Variants in CFAP74 observed in about 807,000 individuals in gnomAD.
CFAP74 encodes the protein cilia- and flagella-associated protein 74.
A neutral mutation model predicts 188.9 loss-of-function variants in CFAP74; 124 were observed. The observed-to-expected ratio is 0.66, with a 90% CI of 0.57 to 0.76. CFAP74 has a LOEUF of 0.76. CFAP74 is among the 30% of genes least tolerant of loss of function. The pLI, the probability that CFAP74 is intolerant of heterozygous loss-of-function variation, is 0.00. For missense variants in CFAP74, 2,198 were observed against 2,165.2 expected (o/e 1.02, Z -0.30); for synonymous variants, 956 against 916.7 (o/e 1.04, Z -0.77).
At chr1:1,943,758 C>T (rs1653550472) in intron 21 of CFAP74, among the ~76,000 whole-genome samples, 1 of 152,208 alleles carries the variant, frequency 6.6e-6, no homozygotes. Context: ...AGCTTAGGGG[C>T]CCCACAACAC....
intron 9 of CFAP74, among the ~76,000 whole-genome samples, chr1:1,971,059 TCACACACGCACACCTG>T (rs1003131416): frequency 7.9e-6 from 1 of 125,790 alleles, no homozygotes; most frequent in Non-Finnish European, 1.6e-5. Context: ...ACACACATGC[TCACACACGCACACCTG>T]CACACACTCA....
At chr1:1,952,672 T>C (rs888209448) in intron 18 of CFAP74, among the ~76,000 whole-genome samples, 3 of 152,108 alleles carry the variant, frequency 2.0e-5, no homozygotes, top group African/African-American at 7.2e-5. Flanking sequence ...AATTTTTTTT[T>C]TTTAAGAGAC....
chr1:1,992,868 C>G (rs912799335), intron 1 of CFAP74, among the ~76,000 whole-genome samples: 1 of 151,890 alleles, frequency 6.6e-6, no homozygotes. Context: ...CTCTTGGTAC[C>G]GAATCTTCTG....
rs760591180 is a variant in CFAP74, at chr1:1,922,691, G to C, written c.4716C>G (p.Ser1572=). 3.7e-6 allele frequency: 6 copies of C among 1,601,528 alleles called. No individual in the cohort carries two copies. The South Asian group carries it at 6.7e-5, about 18-fold the overall frequency. ...TVEFSIDSVA[S]LQHKGFSIEP... ...CAATAGAGAAACCCTTGTGCTGCAGGGATGCGACGCTGTCTATGCTGAACT... is the reference window on the plus strand; with the variant it reads ...CAATAGAGAAACCCTTGTGCTGCAGCGATGCGACGCTGTCTATGCTGAACT... The change falls in exon 38 of 39, where the codon TCC becomes TCG. Residue 1572 remains serine (S), a synonymous_variant. Coordinates refer to ENST00000682832, the MANE Select transcript of CFAP74 (RefSeq NM_001304360.2).
In CFAP74 at chr1:1,988,868, AC is replaced by A. The variant is rs547071430; in HGVS notation, c.152+20del. 137 of 540,258 alleles carry A rather than the reference AC, an allele frequency of 2.5e-4. No individual in the cohort carries two copies. The African/African-American group carries it at 6.4e-3, about 25-fold the overall frequency. The allele number at this position is 540,258 out of a possible 1,614,324, so 33.5% of individuals were successfully genotyped here. On this transcript the variant is annotated intron_variant, in intron 3 of 38. Coordinates refer to ENST00000682832, the MANE Select transcript of CFAP74 (RefSeq NM_001304360.2). ...CCCCCACCCCCCCACACCCACCTCCACCCCCGATCCTCCGAGTTACCTGCTG... is the reference window on the plus strand; with the variant it reads ...CCCCCACCCCCCCACACCCACCTCCACCCCGATCCTCCGAGTTACCTGCTG...
At chr1:1,928,367 T>C (rs1430440482) in intron 27 of CFAP74, among the ~76,000 whole-genome samples, 1 of 151,296 alleles carries the variant, frequency 6.6e-6, no homozygotes, top group African/African-American at 2.4e-5. Flanking sequence ...GAAGCCAGGC[T>C]GGGAAGGGTG....
In CFAP74 at chr1:1,974,052, A is replaced by G; in HGVS notation, c.647T>C (p.Val216Ala). The G allele has an allele frequency of 6.3e-7, 1 of 1,594,204 alleles. No individual in the cohort carries two copies. The highest frequency in any genetic ancestry group is 1.1e-5 in the South Asian group (1 of 89,760). ...LCREQEALGK[V>A]ERNRLLRIRK... ...GATCCTCAGCAGTCGGTTCCGCTCC[A>G]CCTTCCCCAGGGCCTCCTGCTCTCT... The change falls in exon 7 of 39, where the codon GTG (valine) becomes GCG (alanine). Residue 216 changes from valine to alanine, a missense_variant. Val to Ala is a moderately conservative substitution (Grantham distance 64, BLOSUM62 0). Coordinates refer to ENST00000682832, the MANE Select transcript of CFAP74 (RefSeq NM_001304360.2).
intron 9 of CFAP74, 131 bp from the exon 10 acceptor site, chr1:1,970,947 CTGCACA>C (rs1655934537): frequency 9.1e-7 from 1 of 1,095,258 alleles, no homozygotes; most frequent in African/African-American, 1.6e-5. Context: ...ACATGCACAC[CTGCACA>C]TGCACACATC....
In CFAP74 at chr1:1,962,464, G is replaced by A. The variant is rs1369631757; in HGVS notation, c.1694+1285C>T. ...ATACTCCAGCCTGGGCAACAAGAGT[G>A]AAACTCCATCTCAAAAAAAAAAAAA... On this transcript the variant is annotated intron_variant, in intron 14 of 38. Coordinates refer to ENST00000682832, the MANE Select transcript of CFAP74 (RefSeq NM_001304360.2). Among the ~76,000 whole-genome samples the A allele has an allele frequency of 3.7e-4, 36 of 97,962 alleles. 1 individual carries two copies. Among genetic ancestry groups the A allele is most frequent in the Admixed American group, 8.1e-4 (6 of 7,418 alleles). The allele number at this position is 97,962 out of a possible 152,430, so 64.3% of individuals were successfully genotyped here.
At chr1:1,940,887 C>T (rs1045568020) in intron 22 of CFAP74, among the ~76,000 whole-genome samples, 22 of 152,082 alleles carry the variant, frequency 1.4e-4, no homozygotes, top group African/African-American at 3.9e-4. Context: ...CTGAGGCGCG[C>T]GGATCACGAG....
intron 1 of CFAP74, among the ~76,000 whole-genome samples, chr1:2,003,175 T>C (rs1291192518): frequency 6.6e-6 from 1 of 152,174 alleles, no homozygotes; most frequent in East Asian, 1.9e-4. Flanking sequence ...TTATGCACCA[T>C]CGTTATGCAG....
chr1:1,956,491 C>T (rs1337434580), intron 17 of CFAP74, 129 bp downstream of exon 17: 2 of 1,104,564 alleles, frequency 1.8e-6, no homozygotes, highest in African/African-American at 1.5e-5. Context: ...TTTGAGGAGG[C>T]CCCCACACTG....
chr1:1,967,493 C>T (rs914386959), intron 11 of CFAP74, among the ~76,000 whole-genome samples: 1 of 152,124 alleles, frequency 6.6e-6, no homozygotes, highest in Non-Finnish European at 1.5e-5. Context: ...GCAGGGTGCT[C>T]CTGGCGGAGG....
chr1:1,967,507 C>T (rs938114240), intron 11 of CFAP74, among the ~76,000 whole-genome samples: 6 of 151,994 alleles, frequency 3.9e-5, no homozygotes, highest in Admixed American at 6.6e-5. Flanking sequence ...GCGGAGGGAT[C>T]GGCGGGTGCA....
intron 6 of CFAP74, among the ~76,000 whole-genome samples, chr1:1,981,322 G>A (rs1287063883): frequency 2.0e-5 from 3 of 152,210 alleles, no homozygotes; most frequent in Non-Finnish European, 4.4e-5. Context: ...ACTGCGAGAG[G>A]GAGGGGGCGC....
chr1:1,926,531 C>T lies in CFAP74; in HGVS notation c.3773-19G>A, dbSNP rs1248481992. The T allele has an allele frequency of 1.0e-5, 16 of 1,549,796 alleles. No individual in the cohort carries two copies. The highest frequency in any genetic ancestry group is 1.7e-4 in the Middle Eastern group (1 of 6,010). Reference sequence around the variant, plus strand: ...CGGTGCCCTGAAATGGGGCAGGGAGCGTCAGGCCCCAGCCCCAGGCCCCAG... The same window carrying T: ...CGGTGCCCTGAAATGGGGCAGGGAGTGTCAGGCCCCAGCCCCAGGCCCCAG... On this transcript the variant is annotated intron_variant, in intron 30 of 38. Coordinates refer to ENST00000682832, the MANE Select transcript of CFAP74 (RefSeq NM_001304360.2).
chr1:1,993,969 A>G (rs28407647), intron 1 of CFAP74, among the ~76,000 whole-genome samples: 21,154 of 150,620 alleles, frequency 0.14, 1,620 homozygotes, highest in South Asian at 0.19. Flanking sequence ...GCGACAGAGC[A>G]AGACTCCGTC....
At chr1:1,940,254 C>A in intron 23 of CFAP74, 62 bp downstream of exon 23, 1 of 1,339,528 alleles carries the variant, frequency 7.5e-7, no homozygotes, top group Non-Finnish European at 1.0e-6. Context: ...GGCCTGGCCT[C>A]CCAGGAAAGC....
rs372842689 is a variant in CFAP74 at position 1,968,734 on chromosome 1, G to A, written c.1146C>T (p.Pro382=). 12 of 1,613,820 alleles carry A rather than the reference G, an allele frequency of 7.4e-6. No individual in the cohort carries two copies. The African/African-American group carries it at 8.0e-5, about 11-fold the overall frequency. Residue 382 remains proline, a synonymous_variant, in exon 11 of 39, where the codon CCC becomes CCT. Transcript: ENST00000682832. This position sits in a 1 kb window ranked among gnomAD's most constrained non-coding sequence, Gnocchi z 4.3. ...GGGTCAGCCGGTGCCTGGCACTGGT[G>A]GGGGGATGCTGTTTCTTCCTCTTTT... is the stretch of plus-strand genomic sequence containing the variant. ...EEEKRKKQHP[P]TSARHRLTLR... is the part of the protein sequence containing the mutation.
Sources: gnomAD v4.1 joint callset for allele counts (sites outside exome capture counted in the v4.1 genomes callset) on GRCh38, gnomAD v4.1.1 for gene constraint, Gnocchi (gnomAD v3.1) non-coding constraint, MANE v1.5 for transcripts, NCBI Gene and HGNC (gene_info 2026-07-23, HGNC 2026-07-21) for gene names.